The following A4GALT variants were observed in gnomAD, a reference collection of about 807,000 sequenced individuals.
A4GALT encodes the protein alpha 1,4-galactosyltransferase (P1PK blood group), also known as lactosylceramide 4-alpha-galactosyltransferase.
For synonymous variants in A4GALT, 257 were observed against 220.7 expected (o/e 1.16, Z -1.46); for missense variants, 512 against 486.0 (o/e 1.05, Z -0.50).
In A4GALT at chr22:42,693,923, CGCA is replaced by C. The variant is rs1166874197; in HGVS notation, c.26_28del (p.Leu9del). On this transcript the variant is annotated inframe_deletion, in exon 3 of 3. Transcript: ENST00000642412. ...CTGCCTTGGGGCGCCCCGGAGCAGC[CGCA>C]GCAGGAGGTCGGGGGGCTTGGACAT... 11 of 1,602,284 alleles carry C rather than the reference CGCA, an allele frequency of 6.9e-6. No individual in the cohort carries two copies. In the Admixed American group the frequency reaches 1.5e-4, roughly 22 times the overall value.
chr22:42,704,934 C>T (rs921001906), intron 1 of A4GALT, among the ~76,000 whole-genome samples: 1 of 151,976 alleles, frequency 6.6e-6, no homozygotes, highest in African/African-American at 2.4e-5. Flanking sequence ...CAGAAAAGGC[C>T]ACTTCTAAAA....
chr22:42,693,396 A>ACTT lies in A4GALT; in HGVS notation c.553_555dup (p.Lys185dup), dbSNP rs1330217607. 2 of 1,613,338 alleles carry ACTT rather than the reference A, an allele frequency of 1.2e-6. No homozygotes were observed. The highest frequency in any genetic ancestry group is 1.7e-6 in the Non-Finnish European group (2 of 1,179,988). ...TCCGTGTCCAGGTAGATGCCGCCGA[A>ACTT]CTTCCACATGAGTGCGATCCTGGAG... On this transcript the variant is annotated inframe_insertion, in exon 3 of 3. Transcript: ENST00000642412.
chr22:42,695,552 C>A lies in A4GALT; in HGVS notation c.-108G>T. Reference sequence around the variant, plus strand: ...TGGCAGCCCACAGGCCTCCGGGAGACACGCCCTGGCTCAGCAGCCGACCTT... The same window carrying A: ...TGGCAGCCCACAGGCCTCCGGGAGAAACGCCCTGGCTCAGCAGCCGACCTT... On this transcript the variant is annotated 5_prime_UTR_variant, in exon 2 of 3. Coordinates refer to ENST00000642412, the MANE Select transcript of A4GALT (RefSeq NM_017436.7). 1 of 148,342 alleles carries A rather than the reference C, an allele frequency of 6.7e-6. No homozygotes were observed. Among genetic ancestry groups the A allele is most frequent in the African/African-American group, 2.4e-5 (1 of 41,040 alleles). The allele number at this position is 148,342 out of a possible 1,614,324, so 9.2% of individuals were successfully genotyped here. A position where few individuals can be genotyped will look rare whatever the true frequency, so the allele number is the denominator to read the frequency against.
upstream of A4GALT, chr22:42,721,101 C>G (rs1349516662): frequency 6.6e-6 from 1 of 152,206 alleles, no homozygotes; most frequent in African/African-American, 2.4e-5. Context: ...GCCAGTATTA[C>G]GGGTTACCAT....
At chr22:42,715,973 C>T (rs1414345762) in intron 1 of A4GALT, among the ~76,000 whole-genome samples, 1 of 151,992 alleles carries the variant, frequency 6.6e-6, no homozygotes, top group African/African-American at 2.4e-5. Context: ...GGTGGGATTA[C>T]AGGAATGCAC....
chr22:42,697,943 G>T (rs1204767321), intron 1 of A4GALT, among the ~76,000 whole-genome samples: 4 of 152,318 alleles, frequency 2.6e-5, no homozygotes, highest in South Asian at 2.1e-4. Context: ...GGCAGGAAGT[G>T]AGGAGAGAGG....
chr22:42,720,706 C>G (rs1166721522), intron 1 of A4GALT, 91 bp downstream of exon 1: 1 of 152,338 alleles, frequency 6.6e-6, no homozygotes, highest in Non-Finnish European at 1.5e-5. Context: ...CGCCCCTGCC[C>G]CTGCCTTCCC....
At chr22:42,696,365 C>T (rs1322588542) in intron 1 of A4GALT, among the ~76,000 whole-genome samples, 5 of 149,288 alleles carry the variant, frequency 3.3e-5, no homozygotes, top group Non-Finnish European at 5.9e-5. Context: ...GGTTGCAGTG[C>T]GCCGAGATTG....
Position 42,716,635 on chromosome 22 carries a change from T to C in A4GALT, c.-188+4162A>G, listed in dbSNP as rs147287035. ...TCTGTCTACCTGTGGCCCAGCCTCATTTGCCTGGGGCTGCACCAGGGCTAG... is the reference window on the plus strand; with the variant it reads ...TCTGTCTACCTGTGGCCCAGCCTCACTTGCCTGGGGCTGCACCAGGGCTAG... On this transcript the variant is annotated intron_variant, in intron 1 of 2. Transcript: ENST00000642412. 2.0e-5 allele frequency among the ~76,000 whole-genome samples: 3 copies of C among 152,184 alleles called. No individual in the cohort carries two copies. In the East Asian group the frequency reaches 5.8e-4, roughly 30 times the overall value.
intron 1 of A4GALT, among the ~76,000 whole-genome samples, chr22:42,701,902 T>C (rs568789072): frequency 6.6e-6 from 1 of 152,284 alleles, no homozygotes; most frequent in Admixed American, 6.5e-5. Context: ...GACACTGTCA[T>C]GACACGTGGA....
Position 42,693,091 on chromosome 22 carries a change from G to T in A4GALT, c.861C>A (p.Ile287=), listed in dbSNP as rs2146947588. 6.2e-7 allele frequency: 1 copy of T among 1,612,978 alleles called. No individual in the cohort carries two copies. Residue 287 remains isoleucine (I), a synonymous_variant, in exon 3 of 3, where the codon ATC becomes ATA. Coordinates refer to ENST00000642412, the MANE Select transcript of A4GALT (RefSeq NM_017436.7). ...TTLPPEAFYP[I]PWQDWKKYFE... is the part of the protein sequence containing the mutation. ...AGTACTTCTTCCAGTCCTGCCAGGG[G>T]ATGGGGTAGAAGGCCTCAGGGGGCA...
intron 1 of A4GALT, among the ~76,000 whole-genome samples, chr22:42,698,645 G>C (rs878996757): frequency 6.6e-6 from 1 of 152,206 alleles, no homozygotes; most frequent in Admixed American, 6.5e-5. Context: ...CAGAGGCCCC[G>C]AGAGGCAAAG....
At chr22:42,712,295 T>G (rs1013215922) in intron 1 of A4GALT, among the ~76,000 whole-genome samples, 11 of 152,184 alleles carry the variant, frequency 7.2e-5, no homozygotes, top group Non-Finnish European at 1.5e-4. Flanking sequence ...CCGAAAGCAC[T>G]GAGTGACCTT....
chr22:42,699,939 G>A (rs1476244370), intron 1 of A4GALT, among the ~76,000 whole-genome samples: 3 of 152,132 alleles, frequency 2.0e-5, no homozygotes, highest in Non-Finnish European at 2.9e-5. Context: ...ATTCGCCCCC[G>A]TTCTCCTGCC....
chr22:42,716,782 T>A (rs1414528727), intron 1 of A4GALT, among the ~76,000 whole-genome samples: 6 of 152,104 alleles, frequency 3.9e-5, no homozygotes, highest in African/African-American at 9.7e-5. Context: ...GGTAACAGTG[T>A]CTGGCTTAAT....
intron 1 of A4GALT, among the ~76,000 whole-genome samples, chr22:42,696,815 C>T (rs1400010391): frequency 3.3e-5 from 5 of 151,644 alleles, no homozygotes; most frequent in African/African-American, 7.3e-5. Context: ...GTGCCCCAGC[C>T]ACACCTGGCC....
chr22:42,714,713 G>C (rs1405158866), intron 1 of A4GALT, among the ~76,000 whole-genome samples: 1 of 152,110 alleles, frequency 6.6e-6, no homozygotes, highest in Non-Finnish European at 1.5e-5. Context: ...AGGTTGCAGT[G>C]AGCCGAGATG....
chr22:42,701,392 C>A (rs1931291613), intron 1 of A4GALT, among the ~76,000 whole-genome samples: 1 of 152,156 alleles, frequency 6.6e-6, no homozygotes, highest in African/African-American at 2.4e-5. Context: ...GGACCCCTGG[C>A]CAGGGTGAGG....
At chr22:42,702,338 C>CTTT (rs36007921) in intron 1 of A4GALT, among the ~76,000 whole-genome samples, 10 of 138,990 alleles carry the variant, frequency 7.2e-5, no homozygotes, top group Admixed American at 2.9e-4. Context: ...GGAACACACT[C>CTTT]TTTTTTTTTT....
Sources: gnomAD v4.1 joint callset for allele counts (sites outside exome capture counted in the v4.1 genomes callset) on GRCh38, gnomAD v4.1.1 for gene constraint, MANE v1.5 for transcripts, NCBI Gene and HGNC (gene_info 2026-07-23, HGNC 2026-07-21) for gene names.